PEX11G: variants seen among roughly 807,000 people sequenced by gnomAD.
PEX11G encodes peroxisomal membrane protein 11C.
PEX11G carries 20 observed loss-of-function variants against 22.5 expected under a neutral mutation model. The ratio of observed to expected loss-of-function variants is 0.89; its 90% CI spans 0.62 to 1.29. PEX11G has a LOEUF of 1.29. Among genes scored for constraint, PEX11G ranks in the 50% most tolerant of loss-of-function variants. The pLI, the probability that PEX11G is intolerant of heterozygous loss-of-function variation, is 0.00. For missense variants in PEX11G, 347 were observed against 331.3 expected (o/e 1.05, Z -0.37); for synonymous variants, 141 against 154.5 (o/e 0.91, Z 0.65).
rs1475183757 is a variant in PEX11G at position 7,488,678 on chromosome 19, G to GT, written c.60+272dup. Among the ~76,000 whole-genome samples the GT allele has an allele frequency of 3.9e-5, 6 of 152,356 alleles. No individual in the cohort carries two copies. In the East Asian group the frequency reaches 1.2e-3, roughly 29 times the overall value. ...TAGCAGGGAGTGGTGGCGGGCGCCT[G>GT]TAGTCCCAGCTACTCGGGAGTGCTG... On this transcript the variant is annotated intron_variant, in intron 1 of 4. Transcript: ENST00000221480.
intron 4 of PEX11G, among the ~76,000 whole-genome samples, chr19:7,477,994 C>G (rs532071979): frequency 1.9e-4 from 29 of 152,356 alleles, no homozygotes; most frequent in Middle Eastern, 3.4e-3. Flanking sequence ...TGTGCTCCAG[C>G]CTGGGCAACA....
chr19:7,489,348 C>T (rs867399205), upstream of PEX11G: 13 of 1,111,524 alleles, frequency 1.2e-5, no homozygotes, highest in African/African-American at 6.6e-5. Context: ...AACCACCAAC[C>T]TGTTCGCAGT....
chr19:7,481,732 CCAGAAGGCA>C (rs1977495785), intron 3 of PEX11G, among the ~76,000 whole-genome samples: 1 of 152,188 alleles, frequency 6.6e-6, no homozygotes, highest in Admixed American at 6.5e-5. Flanking sequence ...CCTGGGACCT[CCAGAAGGCA>C]TCAGCGCCTG....
rs1977281954 is a variant in PEX11G, at chr19:7,477,584, CCA to C, written c.492-150_492-149del. 3 of 615,096 alleles carry C rather than the reference CCA, an allele frequency of 4.9e-6. No individual in the cohort carries two copies. The South Asian group carries it at 8.6e-5, about 18-fold the overall frequency. The allele number at this position is 615,096 out of a possible 1,614,324, so 38.1% of individuals were successfully genotyped here. On this transcript the variant is annotated intron_variant, in intron 4 of 4. Transcript: ENST00000221480. ...GGACTGAGGTGGCCTCCCTGACCAT[CCA>C]CAGAGACTGAGTCCCCATCACCCCC...
At chr19:7,480,457 A>C (rs1977439034) in intron 3 of PEX11G, among the ~76,000 whole-genome samples, 1 of 152,120 alleles carries the variant, frequency 6.6e-6, no homozygotes, top group Non-Finnish European at 1.5e-5. Context: ...GGCCAGCAGC[A>C]CAGACACCGC....
At chr19:7,482,905 A>T (rs1455983190) in intron 2 of PEX11G, among the ~76,000 whole-genome samples, 2 of 152,190 alleles carry the variant, frequency 1.3e-5, no homozygotes, top group African/African-American at 4.8e-5. Flanking sequence ...ATTGCAATGC[A>T]CACGCGGGCT....
intron 3 of PEX11G, among the ~76,000 whole-genome samples, chr19:7,481,349 C>T (rs1280962469): frequency 1.3e-5 from 2 of 152,106 alleles, no homozygotes; most frequent in Non-Finnish European, 2.9e-5. Flanking sequence ...TACAAGTGTG[C>T]ACCACCAAGC....
In PEX11G at chr19:7,477,098, A is replaced by G; in HGVS notation, c.*104T>C. Reference sequence around the variant, plus strand: ...ACCCACCCTGCCCATGGGTTTCACCACAGGCAGCTCCATGAGAGCCCCGGC... The same window carrying G: ...ACCCACCCTGCCCATGGGTTTCACCGCAGGCAGCTCCATGAGAGCCCCGGC... On this transcript the variant is annotated 3_prime_UTR_variant, in exon 5 of 5. Transcript: ENST00000221480. 8.9e-7 allele frequency: 1 copy of G among 1,125,930 alleles called. No individual in the cohort carries two copies. The highest frequency in any genetic ancestry group is 1.2e-6 in the Non-Finnish European group (1 of 842,866). The allele number at this position is 1,125,930 out of a possible 1,614,324, so 69.7% of individuals were successfully genotyped here.
intron 1 of PEX11G, among the ~76,000 whole-genome samples, chr19:7,486,470 T>G (rs1409327848): frequency 1.3e-5 from 2 of 151,870 alleles, no homozygotes; most frequent in Non-Finnish European, 2.9e-5. Flanking sequence ...CAGTAAAAGC[T>G]GAAAGTTTAG....
upstream of PEX11G, among the ~76,000 whole-genome samples, chr19:7,493,337 C>T (rs1454144683): frequency 6.6e-6 from 1 of 151,604 alleles, no homozygotes; most frequent in Non-Finnish European, 1.5e-5. Context: ...GGATTACAGG[C>T]ACCTGCTACC....
At position 7,478,591 on chromosome 19, in the gene PEX11G, C is replaced by T. The variant is rs115400185; in HGVS notation, c.429-215G>A. The stretch of plus-strand genomic sequence containing the variant: ...GGCCCCGTCCCACCCGGGACATCGT[C>T]CTGCACTTCTGACGTGGCCATCCAG... On this transcript the variant is annotated intron_variant, in intron 3 of 4. Transcript: ENST00000221480. Among the ~76,000 whole-genome samples the T allele has an allele frequency of 3.1e-3, 470 of 152,258 alleles. 2 individuals carry two copies. Among genetic ancestry groups the T allele is most frequent in the African/African-American group, 0.011 (456 of 41,542 alleles).
In PEX11G at chr19:7,485,881, A is replaced by G; in HGVS notation, c.206T>C (p.Leu69Pro). 1 of 1,613,084 alleles carries G rather than the reference A, an allele frequency of 6.2e-7. No individual in the cohort carries two copies. The highest frequency in any genetic ancestry group is 8.5e-7 in the Non-Finnish European group (1 of 1,179,166). ...CRTILRLFDD[L>P]AMFVYTKQYG... is the part of the protein sequence containing the mutation. ...TTGCTTAGTGTAGACAAACATGGCC[A>G]GGTCATCAAAGAGTCGCAAGATGGT... Residue 69 changes from leucine to proline, a missense_variant, in exon 2 of 5, where the codon CTG (leucine) becomes CCG (proline). Transcript: ENST00000221480.
At chr19:7,485,062 C>T (rs911907602) in intron 2 of PEX11G, among the ~76,000 whole-genome samples, 1 of 152,084 alleles carries the variant, frequency 6.6e-6, no homozygotes, top group African/African-American at 2.4e-5. Context: ...GAGGCTAAGG[C>T]GGGAGGACCA....
chr19:7,481,906 G>T, intron 3 of PEX11G, 127 bp downstream of exon 3: 1 of 947,076 alleles, frequency 1.1e-6, no homozygotes, highest in Non-Finnish European at 1.5e-6. Context: ...AAACCTCCAA[G>T]GAAAACTCTA....
intron 2 of PEX11G, among the ~76,000 whole-genome samples, chr19:7,482,809 G>C (rs979495356): frequency 3.3e-4 from 50 of 152,222 alleles, no homozygotes; most frequent in African/African-American, 1.2e-3. Context: ...CCTCAACTCC[G>C]AGCAAGTTAC....
At chr19:7,479,696 G>A (rs28688592) in intron 3 of PEX11G, among the ~76,000 whole-genome samples, 5,933 of 152,264 alleles carry the variant, frequency 0.039, 335 homozygotes, top group African/African-American at 0.12. Context: ...AGCAGGCGGG[G>A]CACACAGGAC....
Position 7,482,125 on chromosome 19 carries a change from C to T in PEX11G, c.336G>A (p.Ala112=), listed in dbSNP as rs372240923. ...LYYPCEHVAW[A]ADARVLHVDS... is the part of the protein sequence containing the mutation. ...CCACGTGGAGGACCCGGGCATCAGC[C>T]GCCCAGGCCACGTGCTCACAGGGGT... The change falls in exon 3 of 5, where the codon GCG becomes GCA. Residue 112 remains alanine, a synonymous_variant. Transcript: ENST00000221480. 1.1e-5 allele frequency: 18 copies of T among 1,599,050 alleles called. No homozygotes were observed. The highest frequency in any genetic ancestry group is 6.8e-5 in the South Asian group (6 of 88,216).
intron 1 of PEX11G, among the ~76,000 whole-genome samples, chr19:7,487,943 G>T (rs561976185): frequency 6.6e-6 from 1 of 152,276 alleles, no homozygotes; most frequent in African/African-American, 2.4e-5. Flanking sequence ...CAACCTGAAT[G>T]TCTACCTATA....
chr19:7,484,944 GAAGA>G (rs1020863849), intron 2 of PEX11G, among the ~76,000 whole-genome samples: 3 of 152,140 alleles, frequency 2.0e-5, no homozygotes, highest in Non-Finnish European at 4.4e-5. Context: ...TCCTCTCAAA[GAAGA>G]AAGTGAAATT....
Sources: gnomAD v4.1 joint callset for allele counts (sites outside exome capture counted in the v4.1 genomes callset) on GRCh38, gnomAD v4.1.1 for gene constraint, MANE v1.5 for transcripts, NCBI Gene and HGNC (gene_info 2026-07-23, HGNC 2026-07-21) for gene names.